The following SQSTM1 variants were observed in gnomAD, a reference collection of about 807,000 sequenced individuals.
The protein encoded by SQSTM1 is sequestosome-1.
Under a neutral mutation model 45.1 loss-of-function variants are expected in SQSTM1, and 36 were observed. The ratio of observed to expected loss-of-function variants is 0.80; its 90% confidence interval spans 0.61 to 1.05. The LOEUF (loss-of-function observed/expected upper bound fraction) is 1.05, where lower values mean the gene tolerates loss of function less well. Among genes scored for constraint, SQSTM1 ranks in the 50% least tolerant of loss-of-function variants. SQSTM1 has a pLI of 0.00. For synonymous variants in SQSTM1, 290 were observed against 244.3 expected, an observed-to-expected ratio of 1.19 and a Z score of -1.74; for missense variants, 617 against 607.1, an observed-to-expected ratio of 1.02 and a Z score of -0.17.
chr5:179,819,570 T>C (rs1664116999), upstream of SQSTM1, among the ~76,000 whole-genome samples: 1 of 152,220 alleles, frequency 6.6e-6, no homozygotes, highest in South Asian at 2.1e-4. Flanking sequence ...CACGTGGCTC[T>C]CAGGCGCCTG....
In SQSTM1 at chr5:179,837,580, G is replaced by T; in HGVS notation, c.*987G>T. 1 of 1,614,164 alleles carries T rather than the reference G, an allele frequency of 6.2e-7. No homozygotes were observed. The highest frequency in any genetic ancestry group is 2.2e-5 in the East Asian group (1 of 44,896). Reference sequence around the variant, plus strand: ...GTGTGGCCCGAGGAAGCTGGACAGCGGCAGTGGGCCTGCTGAGGCCTTCTC... The same window carrying T: ...GTGTGGCCCGAGGAAGCTGGACAGCTGCAGTGGGCCTGCTGAGGCCTTCTC... On this transcript the variant is annotated 3_prime_UTR_variant, in exon 8 of 8. Transcript: ENST00000389805.
chr5:179,832,880 C>CA, intron 5 of SQSTM1, 152 bp from the exon 6 acceptor site: 1 of 773,090 alleles, frequency 1.3e-6, no homozygotes, highest in Non-Finnish European at 2.2e-6. Context: ...CCTGCATCCA[C>CA]ACGCTGAGTG....
intron 1 of SQSTM1, 99 bp downstream of exon 1, chr5:179,821,240 G>A (rs1757762433): frequency 1.7e-6 from 2 of 1,161,338 alleles, no homozygotes; most frequent in Non-Finnish European, 2.2e-6. Flanking sequence ...CGCCTGGCGG[G>A]CCGTGAGGGG....
At chr5:179,809,992 C>T (rs1453655261) in intron 1 of SQSTM1, among the ~76,000 whole-genome samples, 1 of 152,080 alleles carries the variant, frequency 6.6e-6, no homozygotes, top group East Asian at 1.9e-4. Flanking sequence ...CCATGTTGTC[C>T]AGGCTGGTCT....
chr5:179,815,911 C>T (rs545859119), upstream of SQSTM1, among the ~76,000 whole-genome samples: 17 of 151,604 alleles, frequency 1.1e-4, no homozygotes, highest in Non-Finnish European at 2.4e-4. Flanking sequence ...CACAAAACTA[C>T]CTGAGCCCAC....
intron 5 of SQSTM1, among the ~76,000 whole-genome samples, chr5:179,827,367 T>C (rs1238125203): frequency 6.6e-6 from 1 of 152,180 alleles, no homozygotes; most frequent in East Asian, 1.9e-4. Flanking sequence ...AGTGGCACGA[T>C]CTTGGCTCCT....
At chr5:179,830,476 G>C (rs571601257) in intron 5 of SQSTM1, among the ~76,000 whole-genome samples, 1 of 152,092 alleles carries the variant, frequency 6.6e-6, no homozygotes, top group African/African-American at 2.4e-5. Context: ...TCATCTCGTG[G>C]GCTCAAGTGA....
chr5:179,821,638 G>A, intron 1 of SQSTM1: 1 of 415,272 alleles, frequency 2.4e-6, no homozygotes, highest in Non-Finnish European at 4.8e-6. Context: ...CGGGGGTGCG[G>A]GGGACTCGCG....
intron 1 of SQSTM1, 50 bp downstream of exon 1, chr5:179,821,191 C>T (rs933381278): frequency 3.9e-5 from 51 of 1,319,200 alleles, no homozygotes; most frequent in Non-Finnish European, 4.5e-5. Context: ...CGGACACGGC[C>T]TCCTGCCGCG....
In SQSTM1 at chr5:179,809,092, C is replaced by T. The variant is rs570320606; in HGVS notation, c.-156-2482C>T. On this transcript the variant is annotated intron_variant, in intron 1 of 5. Coordinates refer to the SQSTM1 transcript ENST00000514093. ...CAGGATGGTCTCGATCTCCTGACCT[C>T]GTGATCTACCTGCCTCGGCCTCCCA... 4.7e-5 allele frequency among the ~76,000 whole-genome samples: 7 copies of T among 148,290 alleles called. No homozygotes were observed. In the East Asian group the frequency reaches 1.2e-3, roughly 26 times the overall value.
At chr5:179,832,709 G>A (rs547510196) in intron 5 of SQSTM1, among the ~76,000 whole-genome samples, 1 of 152,322 alleles carries the variant, frequency 6.6e-6, no homozygotes, top group South Asian at 2.1e-4. Context: ...CTGAATTGGA[G>A]AAAGAGAAAG....
rs147055870 is a variant in SQSTM1 at position 179,822,251 on chromosome 5, A to C, written c.206-707A>C. Among the ~76,000 whole-genome samples the C allele has an allele frequency of 1.4e-4, 22 of 152,222 alleles. No individual in the cohort carries two copies. The East Asian group carries it at 3.7e-3, about 25-fold the overall frequency. ...TGTAATGTGTTCAGTGTTGTGGCACATATCAGAACTAGTTTTTTTTGGAGG... is the reference window on the plus strand; with the variant it reads ...TGTAATGTGTTCAGTGTTGTGGCACCTATCAGAACTAGTTTTTTTTGGAGG... On this transcript the variant is annotated intron_variant, in intron 1 of 7. Transcript: ENST00000389805.
intron 5 of SQSTM1, among the ~76,000 whole-genome samples, chr5:179,831,929 GA>G (rs1273442095): frequency 2.0e-5 from 3 of 151,884 alleles, no homozygotes; most frequent in Non-Finnish European, 4.4e-5. Flanking sequence ...GACTACAGGC[GA>G]TTGCCACCAC....
upstream of SQSTM1, among the ~76,000 whole-genome samples, chr5:179,815,136 G>A (rs945338845): frequency 6.6e-6 from 1 of 152,156 alleles, no homozygotes; most frequent in Non-Finnish European, 1.5e-5. Context: ...CCTAGAGCAG[G>A]TCGGGTGTGG....
At chr5:179,831,399 T>C (rs183766222) in intron 5 of SQSTM1, among the ~76,000 whole-genome samples, 133 of 152,272 alleles carry the variant, frequency 8.7e-4, no homozygotes, top group African/African-American at 1.9e-3. Flanking sequence ...CAGTGGCTCA[T>C]GCCTGTAATC....
rs1422846509 is a variant in SQSTM1 at position 179,823,066 on chromosome 5, T to C, written c.301+13T>C. Reference sequence around the variant, plus strand: ...ATCTACATTAAAGGTAAGGGGCTGCTCTGGGGGCTGCCTGAAGCCAGCTCA... The same window carrying C: ...ATCTACATTAAAGGTAAGGGGCTGCCCTGGGGGCTGCCTGAAGCCAGCTCA... On this transcript the variant is annotated intron_variant, in intron 2 of 7. Transcript: ENST00000389805. The C allele has an allele frequency of 3.7e-6, 6 of 1,610,398 alleles. No individual in the cohort carries two copies. Among genetic ancestry groups the C allele is most frequent in the Non-Finnish European group, 5.1e-6 (6 of 1,176,840 alleles).
At chr5:179,820,609 T>C, upstream of SQSTM1, 1 of 275,328 alleles carries the variant, frequency 3.6e-6, no homozygotes, top group East Asian at 6.5e-5. Context: ...CCCCCGCCAG[T>C]ACCCTGATCC....
intron 5 of SQSTM1, among the ~76,000 whole-genome samples, 186 bp from the exon 6 acceptor site, chr5:179,832,846 G>C (rs1480861949): frequency 1.3e-5 from 2 of 152,106 alleles, no homozygotes; most frequent in Non-Finnish European, 2.9e-5. Flanking sequence ...GTGATTGCGG[G>C]GTCGAGCTGG....
intron 4 of SQSTM1, 84 bp downstream of exon 4, chr5:179,824,407 G>T: frequency 6.3e-7 from 1 of 1,596,812 alleles, no homozygotes; most frequent in Non-Finnish European, 8.6e-7. Flanking sequence ...AAGCGTGTGT[G>T]CAAGGCAAGA....
Sources: gnomAD v4.1 joint callset for allele counts (sites outside exome capture counted in the v4.1 genomes callset) on GRCh38, gnomAD v4.1.1 for gene constraint, MANE v1.5 for transcripts, NCBI Gene and HGNC (gene_info 2026-07-23, HGNC 2026-07-21) for gene names.